Variants in PHF21B observed in about 807,000 individuals in gnomAD.
PHF21B encodes the protein PHD finger protein 4.
In PHF21B, 22 loss-of-function variants were observed where a neutral mutation model predicts 62.2. The ratio of observed to expected loss-of-function variants is 0.35; its 90% CI spans 0.25 to 0.51. PHF21B has a LOEUF of 0.51. Ranked by LOEUF, PHF21B falls within the 20% of genes least tolerant of loss-of-function variation. The pLI, the probability that PHF21B is intolerant of heterozygous loss-of-function variation, is 0.97. For synonymous variants in PHF21B, 341 were observed against 314.7 expected, an observed-to-expected ratio of 1.08 and a Z score of -0.88; for missense variants, 701 against 707.9, an observed-to-expected ratio of 0.99 and a Z score of 0.11.
chr22:44,927,500 T>C (rs956114197), intron 2 of PHF21B, among the ~76,000 whole-genome samples: 1 of 151,410 alleles, frequency 6.6e-6, no homozygotes, highest in Non-Finnish European at 1.5e-5. Flanking sequence ...TGGGGAAGAG[T>C]CTGCTGCAAA....
At chr22:44,915,089 A>C (rs1447003885) in intron 4 of PHF21B, among the ~76,000 whole-genome samples, 2 of 152,144 alleles carry the variant, frequency 1.3e-5, no homozygotes, top group Non-Finnish European at 2.9e-5. Flanking sequence ...CAAAGAGAAA[A>C]TATGTCCCAT....
chr22:44,928,503 G>A (rs1224326443), intron 2 of PHF21B, among the ~76,000 whole-genome samples: 2 of 152,126 alleles, frequency 1.3e-5, no homozygotes, highest in Admixed American at 6.6e-5. Context: ...TCTGCTTCCC[G>A]GGTTCAAGTG....
At chr22:44,978,407 T>C (rs539380293) in intron 2 of PHF21B, among the ~76,000 whole-genome samples, 1 of 152,354 alleles carries the variant, frequency 6.6e-6, no homozygotes, top group South Asian at 2.1e-4. Context: ...ATGCCCAGGC[T>C]GGAGTGCAGT....
Position 44,940,163 on chromosome 22 carries a change from G to A in PHF21B, c.121-19673C>T, listed in dbSNP as rs147218315. Among the ~76,000 whole-genome samples the A allele has an allele frequency of 4.8e-3, 725 of 152,272 alleles. 3 individuals are homozygous for A. The highest frequency in any genetic ancestry group is 0.034 in the Middle Eastern group (10 of 294). The stretch of plus-strand genomic sequence containing the variant: ...GCACCTCCACCAGGGCAGGTGCCAC[G>A]GGCTTAGATCACCAGTTTTTCCGCA... On this transcript the variant is annotated intron_variant, in intron 2 of 12. Transcript: ENST00000313237.
rs2073373260 is a variant in PHF21B at position 45,008,768 on chromosome 22, G to A, written c.55-158C>T. 7.0e-6 allele frequency: 8 copies of A among 1,151,078 alleles called. No individual in the cohort carries two copies. The African/African-American group carries it at 8.2e-5, about 12-fold the overall frequency. 71.3% of individuals were successfully genotyped at this position (1,151,078 alleles called of 1,614,324 possible). On this transcript the variant is annotated intron_variant, in intron 1 of 12. Coordinates refer to ENST00000313237, the MANE Select transcript of PHF21B (RefSeq NM_138415.5). ...GCCGCGTCCTGCACGCGCGGCGGCC[G>A]GGCAGTGCCGCGCGGGGCCGCTTAC...
At chr22:44,944,294 C>T (rs897690436) in intron 2 of PHF21B, among the ~76,000 whole-genome samples, 1 of 152,218 alleles carries the variant, frequency 6.6e-6, no homozygotes, top group African/African-American at 2.4e-5. Context: ...TTCCTTTCCA[C>T]GTGCATCTTA....
intron 2 of PHF21B, among the ~76,000 whole-genome samples, chr22:44,956,232 T>G (rs1414325422): frequency 6.6e-6 from 1 of 152,038 alleles, no homozygotes; most frequent in Non-Finnish European, 1.5e-5. Flanking sequence ...GGAGGGGGAT[T>G]TTGCCTGGGG....
chr22:44,907,421 T>G (rs1014444649), intron 5 of PHF21B, among the ~76,000 whole-genome samples: 1 of 152,148 alleles, frequency 6.6e-6, no homozygotes, highest in Admixed American at 6.5e-5. Flanking sequence ...TGTGTGCTTG[T>G]GTGGGGTGAA....
chr22:44,916,655 G>A (rs755141130), intron 3 of PHF21B, 25 bp from the exon 4 acceptor site: 1 of 1,593,782 alleles, frequency 6.3e-7, no homozygotes, highest in Non-Finnish European at 8.5e-7. Flanking sequence ...CAGGTATGTG[G>A]TCAGACAGGC....
chr22:44,940,397 G>A (rs529604097), intron 2 of PHF21B, among the ~76,000 whole-genome samples: 1 of 152,376 alleles, frequency 6.6e-6, no homozygotes, highest in East Asian at 1.9e-4. Flanking sequence ...CCTTGTCCAT[G>A]CAGTCCTCCT....
rs577485331 is a variant in PHF21B at position 44,997,551 on chromosome 22, C to T, written c.120+10994G>A. 6.6e-4 allele frequency among the ~76,000 whole-genome samples: 100 copies of T among 152,280 alleles called. 1 individual carries two copies. The South Asian group carries it at 0.019, about 29-fold the overall frequency. ...ACCACTGAGACGCATTAATCACAGA[C>T]TAGACTCGTATTGCTGATTGTAGGA... On this transcript the variant is annotated intron_variant, in intron 2 of 12. Transcript: ENST00000313237.
At chr22:44,999,497 A>G (rs1221625276) in intron 2 of PHF21B, among the ~76,000 whole-genome samples, 1 of 152,124 alleles carries the variant, frequency 6.6e-6, no homozygotes, top group Non-Finnish European at 1.5e-5. Flanking sequence ...ACCCAGACCC[A>G]GACCCCAGGA....
At position 44,936,866 on chromosome 22, in the gene PHF21B, C is replaced by G. The variant is rs1457021921; in HGVS notation, c.121-16376G>C. Among the ~76,000 whole-genome samples, 3 of 59,486 alleles carry G rather than the reference C, an allele frequency of 5.0e-5. No individual in the cohort carries two copies. The Admixed American group carries it at 7.1e-4, about 14-fold the overall frequency. The allele number at this position is 59,486 out of a possible 152,430, so 39.0% of individuals were successfully genotyped here. On this transcript the variant is annotated intron_variant, in intron 2 of 12. Coordinates refer to ENST00000313237, the MANE Select transcript of PHF21B (RefSeq NM_138415.5). ...GACAAAAGTTGTGGACATCCACTTTCTTTCTTTTTTTTTTTTTTTTCCTGA... is the reference window on the plus strand; with the variant it reads ...GACAAAAGTTGTGGACATCCACTTTGTTTCTTTTTTTTTTTTTTTTCCTGA...
In PHF21B at chr22:44,916,427, G is replaced by A. The variant is rs201793174; in HGVS notation, c.417C>T (p.Leu139=). 3.8e-4 allele frequency: 612 copies of A among 1,597,934 alleles called. 4 individuals are homozygous for A. The highest frequency in any genetic ancestry group is 1.4e-4 in the Non-Finnish European group (161 of 1,176,262). The change falls in exon 4 of 13, where the codon CTC becomes CTT. Residue 139 remains leucine, a synonymous_variant. Coordinates refer to ENST00000313237, the MANE Select transcript of PHF21B (RefSeq NM_138415.5). ...CCCCCGCACTGCTCAGCGGAGAGGC[G>A]AGGGCGGCGGGCTCGGCGAGGGCCT... is the stretch of plus-strand genomic sequence containing the variant. ...QPQALAEPAA[L]ASPLSSAGVA... is the part of the protein sequence containing the mutation.
intron 2 of PHF21B, among the ~76,000 whole-genome samples, chr22:44,967,613 G>T (rs115712910): frequency 6.6e-6 from 1 of 152,202 alleles, no homozygotes; most frequent in Non-Finnish European, 1.5e-5. Context: ...TTCCCCAGTA[G>T]CCCACGCTGT....
At chr22:44,971,510 C>T (rs1411006627) in intron 2 of PHF21B, 1 of 152,332 alleles carries the variant, frequency 6.6e-6, no homozygotes, top group African/African-American at 2.4e-5. Flanking sequence ...TGACTTGGGA[C>T]CAATTTCCAC....
chr22:44,995,561 C>A (rs999691587), intron 2 of PHF21B, among the ~76,000 whole-genome samples: 15 of 152,278 alleles, frequency 9.9e-5, no homozygotes, highest in Admixed American at 9.2e-4. Context: ...CACTCTGGGA[C>A]CACAGAATCG....
At chr22:44,943,805 C>T (rs888907890) in intron 2 of PHF21B, among the ~76,000 whole-genome samples, 2 of 151,954 alleles carry the variant, frequency 1.3e-5, no homozygotes, top group African/African-American at 4.8e-5. Context: ...AAGCATCCAG[C>T]CCAGCGGCAC....
At chr22:44,975,298 T>G (rs369276825) in intron 2 of PHF21B, among the ~76,000 whole-genome samples, 1 of 152,176 alleles carries the variant, frequency 6.6e-6, no homozygotes, top group African/African-American at 2.4e-5. Flanking sequence ...AGCACCTGCC[T>G]GGCCTTGGAC....
Sources: gnomAD v4.1 joint callset for allele counts (sites outside exome capture counted in the v4.1 genomes callset) on GRCh38, gnomAD v4.1.1 for gene constraint, MANE v1.5 for transcripts, NCBI Gene and HGNC (gene_info 2026-07-23, HGNC 2026-07-21) for gene names.